Variants in FYN observed in about 807,000 individuals in gnomAD.
FYN encodes the protein FYN proto-oncogene, Src family tyrosine kinase, also known as tyrosine-protein kinase Fyn.
Under a neutral mutation model 70.2 loss-of-function variants are expected in FYN, and 10 were observed. The observed-to-expected ratio is 0.14, with a 90% CI of 0.09 to 0.24. The LOEUF is 0.24. Among genes scored for constraint, FYN ranks in the 10% least tolerant of loss-of-function variants. The probability of loss-of-function intolerance (pLI) is 1.00; values close to 1 mark genes in which losing one functional copy is unlikely to be tolerated. For missense variants in FYN, 319 were observed against 673.1 expected (o/e 0.47, Z 5.82); for synonymous variants, 236 against 248.6 (o/e 0.95, Z 0.48).
At chr6:111,872,172 T>C (rs1562553218) in intron 1 of FYN, among the ~76,000 whole-genome samples, 1 of 151,946 alleles carries the variant, frequency 6.6e-6, no homozygotes, top group Non-Finnish European at 1.5e-5. Flanking sequence ...TCCCAGCACA[T>C]CTCTGCTGGG....
intron 12 of FYN, among the ~76,000 whole-genome samples, chr6:111,678,108 A>ATGTGTGTGTGTGTGTGTG (rs57015847): frequency 0.013 from 1,205 of 93,874 alleles, 9 homozygotes; most frequent in African/African-American, 0.018. Context: ...AGGCCATAAT[A>ATGTGTGTGTGTGTGTGTG]TGTGTGTGTG....
At chr6:111,729,199 TGTGGTG>T (rs1283411999) in intron 3 of FYN, among the ~76,000 whole-genome samples, 1 of 152,040 alleles carries the variant, frequency 6.6e-6, no homozygotes, top group Non-Finnish European at 1.5e-5. Flanking sequence ...CTCGGCCAGG[TGTGGTG>T]GTTCACACCT....
intron 3 of FYN, among the ~76,000 whole-genome samples, chr6:111,734,073 T>C (rs1067141): frequency 0.39 from 59,348 of 151,948 alleles, 16,423 homozygotes; most frequent in African/African-American, 0.78. Context: ...GGTGACAGAG[T>C]GAGACCCTGT....
intron 3 of FYN, among the ~76,000 whole-genome samples, chr6:111,734,942 T>A (rs1305235717): frequency 6.6e-6 from 1 of 152,190 alleles, no homozygotes; most frequent in Admixed American, 6.5e-5. Flanking sequence ...TAATATATAC[T>A]TAAGAGGGAG....
At chr6:111,823,326 A>G (rs1036919810) in intron 2 of FYN, among the ~76,000 whole-genome samples, 1 of 152,166 alleles carries the variant, frequency 6.6e-6, no homozygotes, top group Non-Finnish European at 1.5e-5. Flanking sequence ...GTGCTGCTAG[A>G]TCATCCTATT....
chr6:111,773,499 G>GATACAAAA (rs1803548950), intron 3 of FYN, among the ~76,000 whole-genome samples: 2 of 81,424 alleles, frequency 2.5e-5, no homozygotes, highest in Non-Finnish European at 4.9e-5. Context: ...GAGAGGGAGA[G>GATACAAAA]CGGGGGAGGG....
intron 1 of FYN, among the ~76,000 whole-genome samples, chr6:111,855,193 TA>T (rs1299715412): frequency 2.0e-5 from 3 of 152,202 alleles, no homozygotes; most frequent in Admixed American, 6.5e-5. Flanking sequence ...ATTCAAATAA[TA>T]TTTTTTTTCA....
intron 2 of FYN, among the ~76,000 whole-genome samples, chr6:111,841,728 C>T (rs1773362736): frequency 6.6e-6 from 1 of 151,664 alleles, no homozygotes; most frequent in African/African-American, 2.4e-5. Context: ...TGCAGTTGTT[C>T]TAGATCAGTT....
chr6:111,797,310 C>T (rs548216909), intron 2 of FYN, among the ~76,000 whole-genome samples: 87 of 152,126 alleles, frequency 5.7e-4, no homozygotes, highest in Admixed American at 1.1e-3. Flanking sequence ...AAACAGGATA[C>T]GGAATATTAA....
At chr6:111,758,248 A>G (rs1421286354) in intron 3 of FYN, among the ~76,000 whole-genome samples, 1 of 152,220 alleles carries the variant, frequency 6.6e-6, no homozygotes. Context: ...TTCACGGTGC[A>G]CTGCTAAGTT....
intron 12 of FYN, among the ~76,000 whole-genome samples, chr6:111,689,732 A>C (rs933773131): frequency 1.1e-4 from 16 of 152,134 alleles, no homozygotes; most frequent in Admixed American, 9.2e-4. Context: ...AAACTTACCA[A>C]TCTATGGTGA....
chr6:111,802,180 T>C (rs143257045), intron 2 of FYN, among the ~76,000 whole-genome samples: 44 of 152,202 alleles, frequency 2.9e-4, no homozygotes, highest in African/African-American at 9.1e-4. Flanking sequence ...GCCCTCATGA[T>C]AGTGAGTTCT....
intron 2 of FYN, chr6:111,818,737 C>G (rs1265961114): frequency 6.6e-6 from 1 of 152,262 alleles, no homozygotes. Flanking sequence ...TAAAATTCAA[C>G]AAACTGCAAA....
At chr6:111,787,154 G>C (rs1771424287) in intron 2 of FYN, among the ~76,000 whole-genome samples, 2 of 152,174 alleles carry the variant, frequency 1.3e-5, no homozygotes, top group African/African-American at 4.8e-5. Flanking sequence ...CCTATGTCCT[G>C]AATGGTATTG....
At chr6:111,762,103 T>C (rs1803031914) in intron 3 of FYN, among the ~76,000 whole-genome samples, 1 of 152,176 alleles carries the variant, frequency 6.6e-6, no homozygotes, top group African/African-American at 2.4e-5. Context: ...GAAATCATCA[T>C]GGAATCCTAT....
intron 13 of FYN, among the ~76,000 whole-genome samples, chr6:111,662,584 T>C (rs1031447430): frequency 2.6e-5 from 4 of 152,224 alleles, no homozygotes; most frequent in Non-Finnish European, 4.4e-5. Flanking sequence ...TTATTGTGTG[T>C]AGATTATACT....
chr6:111,692,984 T>C (rs1293096300), intron 12 of FYN, among the ~76,000 whole-genome samples: 2 of 152,222 alleles, frequency 1.3e-5, no homozygotes, highest in Non-Finnish European at 2.9e-5. Context: ...AACGCACGGG[T>C]ATGCTTGCTG....
chr6:111,737,799 C>T (rs138594002), intron 3 of FYN, among the ~76,000 whole-genome samples: 103 of 152,304 alleles, frequency 6.8e-4, no homozygotes, highest in East Asian at 3.1e-3. Context: ...ATCCTCTAGA[C>T]GTTTACTACT....
Position 111,719,819 on chromosome 6 carries a change from G to A in FYN, c.233C>T (p.Thr78Met), listed in dbSNP as rs376255649. ...TGGGGGCTTACCTGTTCCTCCTCTCGTACGCAAGGTCCCCGTATGAGACGA... is the reference window on the plus strand; with the variant it reads ...TGGGGGCTTACCTGTTCCTCCTCTCATACGCAAGGTCCCCGTATGAGACGA... Reference protein sequence around the residue: ...NSSSHTGTLRTRGGTGVTLFV... With the variant: ...NSSSHTGTLRMRGGTGVTLFV... Residue 78 changes from threonine to methionine, a missense_variant, in exon 4 of 14, where the codon ACG (threonine) becomes ATG (methionine). Physicochemically the swap from Thr to Met is moderately conservative, Grantham distance 81. This residue lies in a region of FYN where 128 missense variants were observed against 183.9 expected (regional missense o/e 0.70). Transcript: ENST00000354650. 5.6e-6 allele frequency: 9 copies of A among 1,613,860 alleles called. No homozygotes were observed. The highest frequency in any genetic ancestry group is 2.7e-5 in the African/African-American group (2 of 74,874).
Sources: allele counts gnomAD v4.1 joint callset (sites outside exome capture counted in the v4.1 genomes callset), GRCh38; gene constraint gnomAD v4.1.1; regional missense constraint gnomAD v4.1.1; transcripts MANE v1.5; gene names NCBI Gene and HGNC (gene_info 2026-07-23, HGNC 2026-07-21).